Variants in RAP1GDS1 observed in about 807,000 individuals in gnomAD.
RAP1GDS1 encodes Rap1 GTPase-GDP dissociation stimulator 1.
In RAP1GDS1, 35 loss-of-function variants were observed where a neutral mutation model predicts 71.1. That is an observed-to-expected ratio of 0.49 (90% CI 0.38 to 0.65). RAP1GDS1 has a LOEUF of 0.65. Among genes scored for constraint, RAP1GDS1 ranks in the 30% least tolerant of loss-of-function variants. The probability of loss-of-function intolerance (pLI) is 0.00; values close to 1 mark genes in which losing one functional copy is unlikely to be tolerated. For missense variants in RAP1GDS1, 663 were observed against 706.1 expected (o/e 0.94, Z 0.69); for synonymous variants, 229 against 243.1 (o/e 0.94, Z 0.54).
At position 98,443,038 on chromosome 4, in the gene RAP1GDS1, TGCTG is replaced by T. The variant is rs1752083842; in HGVS notation, c.*922_*925del. On this transcript the variant is annotated 3_prime_UTR_variant, in exon 15 of 15. Coordinates refer to ENST00000408927, the MANE Select transcript of RAP1GDS1 (RefSeq NM_001100427.2). ...GAATTTTTTTTTTTTTTTTTTTTTT[TGCTG>T]TTTTTCATCATTCAGCTAGAAAGTG... 31 of 206,366 alleles carry T rather than the reference TGCTG, an allele frequency of 1.5e-4. No homozygotes were observed. The highest frequency in any genetic ancestry group is 1.6e-3 in the Middle Eastern group (1 of 644). The allele number at this position is 206,366 out of a possible 1,614,324, so 12.8% of individuals were successfully genotyped here.
chr4:98,357,089 T>C (rs1037738591), intron 4 of RAP1GDS1, among the ~76,000 whole-genome samples: 11 of 151,962 alleles, frequency 7.2e-5, no homozygotes, highest in Non-Finnish European at 1.5e-4. Flanking sequence ...ATTAATATGA[T>C]ACAGACATAC....
At chr4:98,378,913 T>C (rs1229777494) in intron 4 of RAP1GDS1, 104 bp from the exon 5 acceptor site, 2 of 1,121,422 alleles carry the variant, frequency 1.8e-6, no homozygotes, top group Non-Finnish European at 2.4e-6. Context: ...GTTTATTTTC[T>C]ATTTATTCAC....
Position 98,421,384 on chromosome 4 carries a change from G to T in RAP1GDS1, c.1430G>T (p.Ser477Ile). ...CTGCTGTCTGCCCTTATACGACACA[G>T]TAAATCAAAAGTAAGTTCCAGAGGA... ...NRLLSALIRHSKSKDVIKTIV... is the reference protein window; with the variant it reads ...NRLLSALIRHIKSKDVIKTIV... The change falls in exon 12 of 15, where the codon AGT becomes ATT. Residue 477 changes from serine (S) to isoleucine (I), a missense_variant. Coordinates refer to ENST00000408927, the MANE Select transcript of RAP1GDS1 (RefSeq NM_001100427.2). 6.3e-7 allele frequency: 1 copy of T among 1,592,522 alleles called. No homozygotes were observed. The highest frequency in any genetic ancestry group is 8.5e-7 in the Non-Finnish European group (1 of 1,170,534).
In RAP1GDS1 at chr4:98,293,812, G is replaced by A. The variant is rs143398669; in HGVS notation, c.112+297G>A. ...GTTTCATTTCTAACAGTCAAGCATCGTAGTTGTTTTTCTTAGCACCTACAT... is the reference window on the plus strand; with the variant it reads ...GTTTCATTTCTAACAGTCAAGCATCATAGTTGTTTTTCTTAGCACCTACAT... On this transcript the variant is annotated intron_variant, in intron 2 of 14. Coordinates refer to ENST00000408927, the MANE Select transcript of RAP1GDS1 (RefSeq NM_001100427.2). Among the ~76,000 whole-genome samples the A allele has an allele frequency of 8.5e-5, 13 of 152,158 alleles. No individual in the cohort carries two copies. In the East Asian group the frequency reaches 1.5e-3, roughly 18 times the overall value.
intron 5 of RAP1GDS1, among the ~76,000 whole-genome samples, chr4:98,381,419 A>G (rs1742000496): frequency 1.3e-5 from 2 of 151,492 alleles, no homozygotes; most frequent in South Asian, 4.2e-4. Flanking sequence ...CCTTTTATGT[A>G]TGTTTGGCAT....
chr4:98,401,165 A>G (rs186183080), intron 6 of RAP1GDS1, among the ~76,000 whole-genome samples: 30 of 152,294 alleles, frequency 2.0e-4, no homozygotes, highest in Non-Finnish European at 3.5e-4. Flanking sequence ...AACTGGTGGG[A>G]TGGTGCTTAG....
At chr4:98,323,608 C>A (rs1228449255) in intron 2 of RAP1GDS1, among the ~76,000 whole-genome samples, 1 of 130,920 alleles carries the variant, frequency 7.6e-6, no homozygotes, top group Non-Finnish European at 1.6e-5. Flanking sequence ...GGATGCAAGG[C>A]TGGTTCAATA....
intron 5 of RAP1GDS1, among the ~76,000 whole-genome samples, chr4:98,380,961 A>G (rs1370229313): frequency 6.6e-6 from 1 of 151,730 alleles, no homozygotes. Context: ...AAGCATCACT[A>G]TTTCCAATCC....
chr4:98,362,160 T>C (rs1738836012), intron 4 of RAP1GDS1, among the ~76,000 whole-genome samples: 1 of 152,236 alleles, frequency 6.6e-6, no homozygotes, highest in Non-Finnish European at 1.5e-5. Context: ...GTAGACTTCA[T>C]AAATACATTT....
chr4:98,342,507 G>T (rs1028398350), intron 2 of RAP1GDS1, among the ~76,000 whole-genome samples: 5 of 150,142 alleles, frequency 3.3e-5, no homozygotes, highest in African/African-American at 9.9e-5. Context: ...TTTTAACAAG[G>T]AAAGGAAAGA....
chr4:98,303,650 A>AAT (rs1253791339), intron 2 of RAP1GDS1, among the ~76,000 whole-genome samples: 2 of 147,800 alleles, frequency 1.4e-5, no homozygotes, highest in Non-Finnish European at 3.0e-5. Context: ...AATATAATAT[A>AAT]ATATAATATA....
intron 2 of RAP1GDS1, among the ~76,000 whole-genome samples, chr4:98,329,852 C>CTT (rs564459732): frequency 4.9e-5 from 7 of 143,816 alleles, no homozygotes; most frequent in Middle Eastern, 3.6e-3. Context: ...ATTGTAAATA[C>CTT]TTGTTTTTTA....
chr4:98,435,896 C>T (rs912331388), intron 13 of RAP1GDS1, among the ~76,000 whole-genome samples: 22 of 151,538 alleles, frequency 1.5e-4, no homozygotes, highest in African/African-American at 4.6e-4. Flanking sequence ...ACAGTGAAAC[C>T]CCGTCTCTAC....
intron 2 of RAP1GDS1, among the ~76,000 whole-genome samples, chr4:98,334,378 A>C (rs764464050): frequency 1.3e-5 from 2 of 152,150 alleles, no homozygotes; most frequent in Non-Finnish European, 2.9e-5. Flanking sequence ...TAAATATTCA[A>C]TGTTTACATT....
chr4:98,437,650 G>A (rs1447208604), intron 14 of RAP1GDS1, among the ~76,000 whole-genome samples: 3 of 151,922 alleles, frequency 2.0e-5, no homozygotes, highest in African/African-American at 7.3e-5. Context: ...AAAATTAGCC[G>A]GGAGTGGTGG....
chr4:98,410,855 T>G (rs996166674), intron 7 of RAP1GDS1, among the ~76,000 whole-genome samples: 5 of 152,184 alleles, frequency 3.3e-5, no homozygotes, highest in African/African-American at 1.2e-4. Flanking sequence ...AGTATAGAAG[T>G]GATTACCATA....
chr4:98,345,650 A>T (rs1736131494), intron 3 of RAP1GDS1, among the ~76,000 whole-genome samples: 1 of 152,188 alleles, frequency 6.6e-6, no homozygotes, highest in East Asian at 1.9e-4. Flanking sequence ...GCCAGCTATG[A>T]TTTTGTGCTA....
Position 98,379,296 on chromosome 4 carries a change from C to A in RAP1GDS1, c.508+133C>A. The A allele has an allele frequency of 8.5e-6, 8 of 938,824 alleles. No homozygotes were observed. The South Asian group carries it at 1.1e-4, about 12-fold the overall frequency. The allele number at this position is 938,824 out of a possible 1,614,324, so 58.2% of individuals were successfully genotyped here. The stretch of plus-strand genomic sequence containing the variant: ...AGTGGCATATAAAATTAATAATTAG[C>A]CAACATTAAATTTCAATGTTTCAAA... On this transcript the variant is annotated intron_variant, in intron 5 of 14. Coordinates refer to ENST00000408927, the MANE Select transcript of RAP1GDS1 (RefSeq NM_001100427.2).
intron 1 of RAP1GDS1, among the ~76,000 whole-genome samples, chr4:98,286,613 G>A (rs915662163): frequency 2.6e-5 from 4 of 151,950 alleles, no homozygotes; most frequent in Non-Finnish European, 4.4e-5. Context: ...GGCCAGGCGC[G>A]GTGGCTAACG....
Sources: allele counts gnomAD v4.1 joint callset (sites outside exome capture counted in the v4.1 genomes callset), GRCh38; gene constraint gnomAD v4.1.1; transcripts MANE v1.5; gene names NCBI Gene and HGNC (gene_info 2026-07-23, HGNC 2026-07-21).